The following AKAP19 variants were observed in gnomAD, a reference collection of about 807,000 sequenced individuals.
The protein encoded by AKAP19 is A-kinase anchoring protein 19, also known as small A-kinase anchoring protein.
the AKAP19 span, among the ~76,000 whole-genome samples, chr2:190,123,510 A>G: frequency 6.6e-6 from 1 of 152,202 alleles, no homozygotes; most frequent in Admixed American, 6.5e-5. Context: ...TAGCTTTTAA[A>G]TTCTTTCTCC....
the AKAP19 span, among the ~76,000 whole-genome samples, chr2:189,971,995 C>A: frequency 6.6e-6 from 1 of 152,074 alleles, no homozygotes. Context: ...AATTAGATCC[C>A]ATTTGTCAAT....
the AKAP19 span, among the ~76,000 whole-genome samples, chr2:189,929,193 C>A: frequency 6.6e-6 from 1 of 152,126 alleles, no homozygotes; most frequent in Non-Finnish European, 1.5e-5. Context: ...TTAATAGATA[C>A]CTTTCCAAGA....
the AKAP19 span, among the ~76,000 whole-genome samples, chr2:190,110,511 G>A: frequency 6.6e-6 from 1 of 152,086 alleles, no homozygotes; most frequent in African/African-American, 2.4e-5. Context: ...TAATCCTGGA[G>A]TTAGCCCAGA....
At chr2:190,174,534 T>C in the AKAP19 span, among the ~76,000 whole-genome samples, 1 of 152,174 alleles carries the variant, frequency 6.6e-6, no homozygotes, top group Non-Finnish European at 1.5e-5. Flanking sequence ...CTAATAAATA[T>C]GTGAAAGTCC....
the AKAP19 span, among the ~76,000 whole-genome samples, chr2:189,914,165 G>A: frequency 6.6e-6 from 1 of 152,024 alleles, no homozygotes; most frequent in Admixed American, 6.6e-5. Flanking sequence ...AATATTGACT[G>A]TGCAGCTGTT....
At chr2:190,064,223 A>G in the AKAP19 span, among the ~76,000 whole-genome samples, 2 of 152,122 alleles carry the variant, frequency 1.3e-5, no homozygotes, top group African/African-American at 4.8e-5. Context: ...GCTCATCATT[A>G]AAGATTAAGG....
chr2:190,138,668 T>C, the AKAP19 span, among the ~76,000 whole-genome samples: 3 of 152,200 alleles, frequency 2.0e-5, no homozygotes, highest in Non-Finnish European at 2.9e-5. Flanking sequence ...AACAGGGCAC[T>C]CCATCACATC....
chr2:190,188,703 T>G, the AKAP19 span, among the ~76,000 whole-genome samples: 1 of 152,254 alleles, frequency 6.6e-6, no homozygotes, highest in African/African-American at 2.4e-5. Context: ...TTTAAAGTAC[T>G]GTATTGTAAC....
the AKAP19 span, among the ~76,000 whole-genome samples, chr2:190,107,631 G>A: frequency 6.6e-6 from 1 of 152,184 alleles, no homozygotes; most frequent in Admixed American, 6.5e-5. Context: ...TGTTCTAGAA[G>A]TGTATTGCTG....
chr2:190,054,436 AC>A, the AKAP19 span, among the ~76,000 whole-genome samples: 1 of 152,194 alleles, frequency 6.6e-6, no homozygotes, highest in Non-Finnish European at 1.5e-5. Context: ...ATAGGCAAGG[AC>A]TTCATGTCTA....
At chr2:190,044,014 G>A in the AKAP19 span, among the ~76,000 whole-genome samples, 1 of 152,168 alleles carries the variant, frequency 6.6e-6, no homozygotes, top group Non-Finnish European at 1.5e-5. Context: ...GTGGCACTTA[G>A]GTTTCTCAGT....
the AKAP19 span, among the ~76,000 whole-genome samples, chr2:190,155,419 A>C: frequency 6.6e-6 from 1 of 152,242 alleles, no homozygotes; most frequent in Non-Finnish European, 1.5e-5. Context: ...AAGAAAAAGA[A>C]AATAGGAAGC....
the AKAP19 span, among the ~76,000 whole-genome samples, chr2:190,065,229 C>T: frequency 6.6e-6 from 1 of 151,998 alleles, no homozygotes; most frequent in Non-Finnish European, 1.5e-5. Flanking sequence ...CGTGGTGTTC[C>T]TATGTTCCTA....
At chr2:189,883,485 TTC>T in the AKAP19 span, among the ~76,000 whole-genome samples, 15 of 151,036 alleles carry the variant, frequency 9.9e-5, no homozygotes, top group African/African-American at 3.4e-4. Flanking sequence ...GTTTCTAACA[TTC>T]TGTTATTTTG....
chr2:189,913,067 A>G, the AKAP19 span, among the ~76,000 whole-genome samples: 2 of 152,186 alleles, frequency 1.3e-5, no homozygotes, highest in African/African-American at 4.8e-5. Flanking sequence ...AAATGTATAT[A>G]TTACACTTTA....
the AKAP19 span, among the ~76,000 whole-genome samples, chr2:190,175,076 A>G: frequency 1.8e-4 from 20 of 112,772 alleles, no homozygotes; most frequent in East Asian, 4.3e-4. Flanking sequence ...GAATAAATAT[A>G]GGTAACCATA....
At chr2:189,991,128 G>GCC in the AKAP19 span, among the ~76,000 whole-genome samples, 1 of 151,938 alleles carries the variant, frequency 6.6e-6, no homozygotes, top group Non-Finnish European at 1.5e-5. Flanking sequence ...TTATATTTTT[G>GCC]CAATTGCAAA....
chr2:189,947,768 T>C, the AKAP19 span, among the ~76,000 whole-genome samples: 2 of 152,076 alleles, frequency 1.3e-5, no homozygotes, highest in African/African-American at 2.4e-5. Context: ...CTCTTGGTGA[T>C]TTCTAATTCT....
At chr2:189,977,125 C>T in the AKAP19 span, among the ~76,000 whole-genome samples, 1 of 152,178 alleles carries the variant, frequency 6.6e-6, no homozygotes. Flanking sequence ...GAACTGCCCC[C>T]AACCATTTGG....
Sources: gnomAD v4.1 joint callset for allele counts (sites outside exome capture counted in the v4.1 genomes callset) on GRCh38, gnomAD v4.1.1 for gene constraint, MANE v1.5 for transcripts, NCBI Gene and HGNC (gene_info 2026-07-23, HGNC 2026-07-21) for gene names.